Variants in EXOC4 observed in about 807,000 individuals in gnomAD.
EXOC4 encodes the protein SEC8-like 1.
Under a neutral mutation model 107.2 loss-of-function variants are expected in EXOC4, and 71 were observed. The observed-to-expected ratio is 0.66, with a 90% CI of 0.55 to 0.81. The LOEUF (loss-of-function observed/expected upper bound fraction) is 0.81. Among genes scored for constraint, EXOC4 ranks in the 30% least tolerant of loss-of-function variants. The pLI is 0.00. For missense variants in EXOC4, 1,108 were observed against 1,189.6 expected (o/e 0.93, Z 1.01); for synonymous variants, 456 against 441.2 (o/e 1.03, Z -0.42).
chr7:133,435,817 C>G (rs1797957955), intron 7 of EXOC4, among the ~76,000 whole-genome samples: 1 of 152,062 alleles, frequency 6.6e-6, no homozygotes, highest in Admixed American at 6.5e-5. Flanking sequence ...CTAGAAGTAT[C>G]TAGGTTGAGG....
chr7:133,885,312 CAA>C (rs1325296000), intron 11 of EXOC4, among the ~76,000 whole-genome samples: 32 of 90,076 alleles, frequency 3.6e-4, no homozygotes, highest in Non-Finnish European at 2.9e-4. Context: ...GACCCCGTCT[CAA>C]AAAAAAAAAA....
chr7:134,035,251 G>A (rs1795363176), intron 17 of EXOC4, among the ~76,000 whole-genome samples: 1 of 151,868 alleles, frequency 6.6e-6, no homozygotes, highest in African/African-American at 2.4e-5. Flanking sequence ...CTGTCTGTTG[G>A]TCAGGCTGGT....
intron 9 of EXOC4, among the ~76,000 whole-genome samples, chr7:133,534,906 C>T (rs1280870942): frequency 1.3e-5 from 2 of 151,904 alleles, no homozygotes; most frequent in Admixed American, 1.3e-4. Context: ...TGTTATTATC[C>T]CATGTGGTAT....
chr7:133,798,564 C>T (rs1348333956), intron 10 of EXOC4, among the ~76,000 whole-genome samples: 2 of 152,168 alleles, frequency 1.3e-5, no homozygotes, highest in African/African-American at 4.8e-5. Flanking sequence ...TCACTGCCAA[C>T]CTTATAATAA....
chr7:133,662,056 AAC>A (rs1793707408), intron 10 of EXOC4, among the ~76,000 whole-genome samples: 1 of 152,156 alleles, frequency 6.6e-6, no homozygotes, highest in Non-Finnish European at 1.5e-5. Flanking sequence ...GTAGTATTAA[AAC>A]CCACATTTTA....
At chr7:133,726,397 A>G (rs1795215925) in intron 10 of EXOC4, among the ~76,000 whole-genome samples, 1 of 152,216 alleles carries the variant, frequency 6.6e-6, no homozygotes, top group Non-Finnish European at 1.5e-5. Flanking sequence ...TGCTGAGTCA[A>G]TGAATAACTG....
intron 6 of EXOC4, among the ~76,000 whole-genome samples, chr7:133,364,328 T>G (rs565351722): frequency 2.2e-4 from 33 of 151,238 alleles, no homozygotes; most frequent in Non-Finnish European, 4.3e-4. Context: ...TTTTAAGAGA[T>G]AGTGTCTCAC....
intron 6 of EXOC4, among the ~76,000 whole-genome samples, chr7:133,360,119 GC>G (rs1415828813): frequency 1.3e-5 from 2 of 152,238 alleles, no homozygotes; most frequent in East Asian, 3.9e-4. Flanking sequence ...GGTGACTGTG[GC>G]CTGAAGCCTC....
chr7:133,316,466 A>G lies in EXOC4; in HGVS notation c.657-818A>G, dbSNP rs1479220083. Among the ~76,000 whole-genome samples the G allele has an allele frequency of 2.6e-5, 4 of 152,142 alleles. No homozygotes were observed. In the East Asian group the frequency reaches 7.7e-4, roughly 29 times the overall value. ...TGTAGATAGTGTGCGAGATGATTCC[A>G]TTTCTTGAGAGCAGGGCATAGGGTT... On this transcript the variant is annotated intron_variant, in intron 4 of 17. Coordinates refer to ENST00000253861, the MANE Select transcript of EXOC4 (RefSeq NM_021807.4).
chr7:133,890,647 G>A lies in EXOC4; in HGVS notation c.1735-4952G>A, dbSNP rs868664778. Among the ~76,000 whole-genome samples, 228 of 51,856 alleles carry A rather than the reference G, an allele frequency of 4.4e-3. 1 individual carries two copies. Among genetic ancestry groups the A allele is most frequent in the African/African-American group, 0.03 (186 of 6,162 alleles). The allele number at this position is 51,856 out of a possible 152,430, so 34.0% of individuals were successfully genotyped here. On this transcript the variant is annotated intron_variant, in intron 11 of 17. Coordinates refer to ENST00000253861, the MANE Select transcript of EXOC4 (RefSeq NM_021807.4). ...AGTTTCAGCTTTCTACATATGGCTA[G>A]CCAGTTTTCCCAGCACCATTTATTA...
intron 14 of EXOC4, among the ~76,000 whole-genome samples, chr7:133,939,298 A>G (rs1033683020): frequency 6.6e-6 from 1 of 152,086 alleles, no homozygotes; most frequent in African/African-American, 2.4e-5. Flanking sequence ...AAAGGTGTGG[A>G]TTAAATTCAC....
intron 10 of EXOC4, among the ~76,000 whole-genome samples, chr7:133,801,651 A>C (rs1796946206): frequency 6.6e-6 from 1 of 152,208 alleles, no homozygotes. Flanking sequence ...ACCAGGTTAC[A>C]GAGAAACCCA....
intron 12 of EXOC4, among the ~76,000 whole-genome samples, chr7:133,915,060 A>T (rs1319485959): frequency 6.6e-6 from 1 of 152,228 alleles, no homozygotes; most frequent in Non-Finnish European, 1.5e-5. Flanking sequence ...GAAAAATATA[A>T]TAACTGCAAA....
intron 10 of EXOC4, among the ~76,000 whole-genome samples, chr7:133,701,955 A>ATTTATTTTTC (rs1554388022): frequency 1.5e-5 from 2 of 135,268 alleles, no homozygotes; most frequent in Non-Finnish European, 3.1e-5. Context: ...AATCACTGTC[A>ATTTATTTTTC]TTTTTCTTTT....
At chr7:133,783,670 A>T (rs1796511724) in intron 10 of EXOC4, among the ~76,000 whole-genome samples, 1 of 152,176 alleles carries the variant, frequency 6.6e-6, no homozygotes, top group Non-Finnish European at 1.5e-5. Flanking sequence ...TGGTAGTTTT[A>T]AAAACTGTAG....
intron 9 of EXOC4, among the ~76,000 whole-genome samples, chr7:133,487,584 C>T (rs1799292164): frequency 1.3e-5 from 2 of 152,016 alleles, no homozygotes; most frequent in Non-Finnish European, 2.9e-5. Context: ...TGGTATGTAC[C>T]TGTAGTCCTA....
intron 9 of EXOC4, among the ~76,000 whole-genome samples, chr7:133,608,844 A>G (rs1483845004): frequency 6.6e-6 from 1 of 151,636 alleles, no homozygotes; most frequent in East Asian, 1.9e-4. Flanking sequence ...ATCACCCCCA[A>G]CCTTAACCGG....
intron 5 of EXOC4, among the ~76,000 whole-genome samples, chr7:133,324,903 G>T (rs1445214759): frequency 6.6e-6 from 1 of 152,194 alleles, no homozygotes; most frequent in African/African-American, 2.4e-5. Context: ...CCTGTATTGG[G>T]TGGATATATG....
intron 5 of EXOC4, among the ~76,000 whole-genome samples, chr7:133,329,016 CTA>C (rs988726157): frequency 8.5e-5 from 13 of 152,122 alleles, no homozygotes; most frequent in African/African-American, 3.1e-4. Flanking sequence ...AGAATGTTTT[CTA>C]ACTTGGTTCC....
Sources: gnomAD v4.1 joint callset for allele counts (sites outside exome capture counted in the v4.1 genomes callset) on GRCh38, gnomAD v4.1.1 for gene constraint, MANE v1.5 for transcripts, NCBI Gene and HGNC (gene_info 2026-07-23, HGNC 2026-07-21) for gene names.